The following NRROS variants were observed in gnomAD, a reference collection of about 807,000 sequenced individuals.
The protein encoded by NRROS is transforming growth factor beta activator LRRC33.
In NRROS, 6 loss-of-function variants were observed where a neutral mutation model predicts 12.0. That is an observed-to-expected ratio of 0.50 (90% CI 0.27 to 0.98). The LOEUF (loss-of-function observed/expected upper bound fraction) is 0.98, where lower values mean the gene tolerates loss of function less well. Ranked by LOEUF, NRROS falls within the 50% of genes least tolerant of loss-of-function variation. The pLI, the probability that NRROS is intolerant of heterozygous loss-of-function variation, is 0.11. For synonymous variants in NRROS, 462 were observed against 410.2 expected (o/e 1.13, Z -1.53); for missense variants, 857 against 888.2 (o/e 0.96, Z 0.45).
At chr3:196,642,524 A>C (rs868036371) in intron 1 of NRROS, among the ~76,000 whole-genome samples, 1 of 152,186 alleles carries the variant, frequency 6.6e-6, no homozygotes, top group African/African-American at 2.4e-5. Flanking sequence ...TCTGAAACAG[A>C]AAGAGCAAGT....
At chr3:196,655,687 A>G (rs1466606081) in intron 2 of NRROS, among the ~76,000 whole-genome samples, 1 of 152,094 alleles carries the variant, frequency 6.6e-6, no homozygotes, top group African/African-American at 2.4e-5. Flanking sequence ...TGCGGGGAGG[A>G]CTTGCTGCCA....
Position 196,661,264 on chromosome 3 carries a change from T to A in NRROS, c.1621T>A (p.Leu541Ile), listed in dbSNP as rs960076806. ...CTCTGGGTTTGGGAATCTCAGGGAC[T>A]TAGATCTGTCGGGGAATTGCTTGAC... is the stretch of plus-strand genomic sequence containing the variant. ...DFSGFGNLRD[L>I]DLSGNCLTTF... is the part of the protein sequence containing the mutation. The change falls in exon 3 of 3, where the codon TTA becomes ATA. Residue 541 changes from leucine (L) to isoleucine (I), a missense_variant. Transcript: ENST00000328557. 6.2e-7 allele frequency: 1 copy of A among 1,613,884 alleles called. No individual in the cohort carries two copies. Among genetic ancestry groups the A allele is most frequent in the Admixed American group, 1.7e-5 (1 of 59,978 alleles).
intron 1 of NRROS, among the ~76,000 whole-genome samples, chr3:196,653,762 T>C (rs1331400225): frequency 6.6e-6 from 1 of 152,216 alleles, no homozygotes; most frequent in Non-Finnish European, 1.5e-5. Flanking sequence ...GATGAGTATA[T>C]TGCATTTCCC....
At position 196,660,202 on chromosome 3, in the gene NRROS, G is replaced by A. The variant is rs143987356; in HGVS notation, c.559G>A (p.Asp187Asn). ...FEGLERLREL[D>N]LQRNYIFEIE... The stretch of plus-strand genomic sequence containing the variant: ...GGGCCTGGAGCGTCTCCGGGAGCTG[G>A]ATCTGCAGAGGAACTACATCTTCGA... The change falls in exon 3 of 3, where the codon GAT becomes AAT. Residue 187 changes from aspartate (D) to asparagine (N), a missense_variant. Asp to Asn is a conservative substitution (Grantham distance 23). Coordinates refer to ENST00000328557, the MANE Select transcript of NRROS (RefSeq NM_198565.3). The surrounding 1 kb of genome is among the most constrained non-coding windows in gnomAD (Gnocchi z 7.7). The A allele has an allele frequency of 1.1e-5, 18 of 1,613,240 alleles. No individual in the cohort carries two copies. The African/African-American group carries it at 2.1e-4, about 19-fold the overall frequency.
chr3:196,654,754 A>G lies in NRROS; in HGVS notation c.108+107A>G, dbSNP rs1737503764. Reference sequence around the variant, plus strand: ...CATCAGGAAGGGCAGAGAATGAAGGAGCCTGCATCACTCTGTGCCTGCCTA... The same window carrying G: ...CATCAGGAAGGGCAGAGAATGAAGGGGCCTGCATCACTCTGTGCCTGCCTA... On this transcript the variant is annotated intron_variant, in intron 2 of 2. Transcript: ENST00000328557. This position sits in a 1 kb window ranked among gnomAD's most constrained non-coding sequence, Gnocchi z 4.4. 3 of 688,044 alleles carry G rather than the reference A, an allele frequency of 4.4e-6. No individual in the cohort carries two copies. The highest frequency in any genetic ancestry group is 7.5e-6 in the Non-Finnish European group (3 of 400,586). The allele number at this position is 688,044 out of a possible 1,614,324, so 42.6% of individuals were successfully genotyped here. A position where few individuals can be genotyped will look rare whatever the true frequency, so the allele number is the denominator to read the frequency against.
intron 1 of NRROS, among the ~76,000 whole-genome samples, chr3:196,652,404 C>G (rs1737445557): frequency 6.6e-6 from 1 of 152,194 alleles, no homozygotes; most frequent in African/African-American, 2.4e-5. Flanking sequence ...TATTCTCATG[C>G]AACTCTGGAA....
At chr3:196,648,789 A>AT (rs1491069842) in intron 1 of NRROS, among the ~76,000 whole-genome samples, 1 of 149,648 alleles carries the variant, frequency 6.7e-6, no homozygotes, top group Non-Finnish European at 1.5e-5. Context: ...AAAAAAAAAA[A>AT]ATTCCAACAT....
At chr3:196,652,370 C>T (rs1021439726) in intron 1 of NRROS, among the ~76,000 whole-genome samples, 1 of 152,192 alleles carries the variant, frequency 6.6e-6, no homozygotes, top group Non-Finnish European at 1.5e-5. Context: ...AGCCATGAAG[C>T]CCTTTCACAT....
chr3:196,658,841 G>GCA (rs1560055688), intron 2 of NRROS, among the ~76,000 whole-genome samples: 57 of 152,106 alleles, frequency 3.7e-4, no homozygotes, highest in African/African-American at 1.2e-3. Context: ...GTGGTGGCAT[G>GCA]TGCCTGTAAT....
At position 196,660,169 on chromosome 3, in the gene NRROS, G is replaced by C. The variant is rs753726007; in HGVS notation, c.526G>C (p.Val176Leu). ...CACCATCATGCGGCTGGACGACTCC[G>C]TCTTCGAGGGCCTGGAGCGTCTCCG... ...GNTIMRLDDS[V>L]FEGLERLREL... Residue 176 changes from valine to leucine, a missense_variant, in exon 3 of 3, where the codon GTC becomes CTC. Transcript: ENST00000328557. The surrounding 1 kb of genome is among the most constrained non-coding windows in gnomAD (Gnocchi z 7.7). 1.2e-6 allele frequency: 2 copies of C among 1,612,918 alleles called. No homozygotes were observed. The highest frequency in any genetic ancestry group is 1.7e-6 in the Non-Finnish European group (2 of 1,180,040).
In NRROS at chr3:196,661,819, A is replaced by G. The variant is rs1737693851; in HGVS notation, c.*97A>G. 9.2e-7 allele frequency: 1 copy of G among 1,085,858 alleles called. No individual in the cohort carries two copies. Among genetic ancestry groups the G allele is most frequent in the African/African-American group, 1.6e-5 (1 of 64,044 alleles). 67.3% of individuals were successfully genotyped at this position (1,085,858 alleles called of 1,614,324 possible). A position where few individuals can be genotyped will look rare whatever the true frequency, so the allele number is the denominator to read the frequency against. ...GTGATGCAGAGGCCAAGTCTGACGA[A>G]TTGAAGTTTCAATTAAAATTTAATA... On this transcript the variant is annotated 3_prime_UTR_variant, in exon 3 of 3. Transcript: ENST00000328557.
rs1270967045 is a variant in NRROS at position 196,659,758 on chromosome 3, G to T, written c.115G>T (p.Gly39Ter). ...GGTGTGGTTTTGGCCGCAGGTGGGT[G>T]GAGCCGCTGACTGCCGAGGGCAGAG... ...ASQGVCKLVG[G>*]AADCRGQSLA... The change falls in exon 3 of 3, where the codon GGA (glycine) becomes TGA (stop). Residue 39 changes from glycine (G) to a stop codon, truncating the protein, a stop_gained. Transcript: ENST00000328557. LOFTEE classifies it low-confidence loss of function (END_TRUNC). The T allele has an allele frequency of 1.2e-5, 19 of 1,607,072 alleles. No homozygotes were observed. Among genetic ancestry groups the T allele is most frequent in the Non-Finnish European group, 1.6e-5 (19 of 1,175,754 alleles).
chr3:196,660,750 T>C lies in NRROS; in HGVS notation c.1107T>C (p.Ile369=), dbSNP rs761284258. Residue 369 remains isoleucine, a synonymous_variant, in exon 3 of 3, where the codon ATT becomes ATC. Coordinates refer to ENST00000328557, the MANE Select transcript of NRROS (RefSeq NM_198565.3). This position sits in a 1 kb window ranked among gnomAD's most constrained non-coding sequence, Gnocchi z 7.7. ...LHQNCLMTLH[I]REHEPPGALT... ...AGAATTGCCTGATGACGCTTCACATTCGGGAGCACGAGCCCCCCGGAGCGC... is the reference window on the plus strand; with the variant it reads ...AGAATTGCCTGATGACGCTTCACATCCGGGAGCACGAGCCCCCCGGAGCGC... 3.1e-6 allele frequency: 5 copies of C among 1,613,840 alleles called. No homozygotes were observed. The highest frequency in any genetic ancestry group is 8.5e-7 in the Non-Finnish European group (1 of 1,180,002).
At chr3:196,658,198 C>T (rs1030601123) in intron 2 of NRROS, among the ~76,000 whole-genome samples, 1 of 152,222 alleles carries the variant, frequency 6.6e-6, no homozygotes, top group African/African-American at 2.4e-5. Context: ...ATAAGTCCGT[C>T]ATACTTTATT....
At chr3:196,652,693 G>A (rs11919336) in intron 1 of NRROS, among the ~76,000 whole-genome samples, 2,226 of 152,300 alleles carry the variant, frequency 0.015, 55 homozygotes, top group African/African-American at 0.05. Flanking sequence ...CCCCTCCTGA[G>A]TGTGACACAA....
intron 1 of NRROS, among the ~76,000 whole-genome samples, chr3:196,651,801 A>T (rs1014856694): frequency 6.6e-6 from 1 of 152,130 alleles, no homozygotes. Flanking sequence ...AACAAAGAGG[A>T]GGAGGTGGTG....
rs1737645773 is a variant in NRROS, at chr3:196,660,492, C to T, written c.849C>T (p.Asn283=). Residue 283 remains asparagine, a synonymous_variant, in exon 3 of 3, where the codon AAC becomes AAT. Coordinates refer to ENST00000328557, the MANE Select transcript of NRROS (RefSeq NM_198565.3). This position sits in a 1 kb window ranked among gnomAD's most constrained non-coding sequence, Gnocchi z 7.7. The part of the protein sequence containing the change: ...KLRTLLLRDN[N]MGFYRDLYNT... ...GGACCCTCCTGCTGCGCGACAACAA[C>T]ATGGGCTTCTACCGGGACCTGTACA... 6.2e-7 allele frequency: 1 copy of T among 1,614,158 alleles called. No homozygotes were observed. Among genetic ancestry groups the T allele is most frequent in the Non-Finnish European group, 8.5e-7 (1 of 1,180,032 alleles).
intron 2 of NRROS, among the ~76,000 whole-genome samples, chr3:196,658,876 A>G (rs943921587): frequency 2.6e-5 from 4 of 152,182 alleles, no homozygotes; most frequent in Non-Finnish European, 5.9e-5. Flanking sequence ...AGGCTGAAAC[A>G]GGAGAATTGC....
chr3:196,660,351 C>A lies in NRROS; in HGVS notation c.708C>A (p.Asn236Lys), dbSNP rs139757136. The A allele has an allele frequency of 6.2e-7, 1 of 1,614,088 alleles. No homozygotes were observed. The highest frequency in any genetic ancestry group is 2.2e-5 in the East Asian group (1 of 44,880). Residue 236 changes from asparagine to lysine, a missense_variant, in exon 3 of 3, where the codon AAC (asparagine) becomes AAA (lysine). By Grantham distance (94) the Asn-to-Lys change is moderately conservative. Transcript: ENST00000328557. This position sits in a 1 kb window ranked among gnomAD's most constrained non-coding sequence, Gnocchi z 7.7. ...TGCGGGTCCTCAACGTCAGCTACAA[C>A]GTCCTGGAGTGGTTCCTCGCGACCG... is the stretch of plus-strand genomic sequence containing the variant. ...TRLRVLNVSY[N>K]VLEWFLATGG...
Sources: allele counts gnomAD v4.1 joint callset (sites outside exome capture counted in the v4.1 genomes callset), GRCh38; gene constraint gnomAD v4.1.1; non-coding constraint Gnocchi (gnomAD v3.1); transcripts MANE v1.5; gene names NCBI Gene and HGNC (gene_info 2026-07-23, HGNC 2026-07-21).